The following PDZRN4 variants were observed in gnomAD, a reference collection of about 807,000 sequenced individuals.
PDZRN4 encodes the protein PDZ domain containing ring finger 4.
Under a neutral mutation model 99.0 loss-of-function variants are expected in PDZRN4, and 70 were observed. The observed-to-expected ratio is 0.71, with a 90% CI of 0.58 to 0.86. PDZRN4 has a LOEUF of 0.86. PDZRN4 is among the 40% of genes least tolerant of loss of function. The pLI is 0.00. For synonymous variants in PDZRN4, 551 were observed against 501.6 expected, an observed-to-expected ratio of 1.10 and a Z score of -1.32; for missense variants, 1,474 against 1,331.2, an observed-to-expected ratio of 1.11 and a Z score of -1.67.
intron 5 of PDZRN4, among the ~76,000 whole-genome samples, chr12:41,539,824 A>T (rs1480872955): frequency 6.6e-6 from 1 of 152,202 alleles, no homozygotes; most frequent in Non-Finnish European, 1.5e-5. Context: ...AGACACGGGC[A>T]TCTCCCAGTC....
At chr12:41,315,766 T>G (rs1422572169) in intron 3 of PDZRN4, among the ~76,000 whole-genome samples, 2 of 152,108 alleles carry the variant, frequency 1.3e-5, no homozygotes, top group Admixed American at 1.3e-4. Context: ...TCCTAATTTA[T>G]TATACTCATT....
At chr12:41,331,055 A>G (rs1052868399) in intron 3 of PDZRN4, among the ~76,000 whole-genome samples, 3 of 152,156 alleles carry the variant, frequency 2.0e-5, no homozygotes, top group Non-Finnish European at 2.9e-5. Flanking sequence ...ATCTGAATAG[A>G]CTTTGGGGAA....
intron 3 of PDZRN4, among the ~76,000 whole-genome samples, chr12:41,443,231 TGACA>T (rs758340150): frequency 1.1e-4 from 16 of 152,166 alleles, no homozygotes; most frequent in South Asian, 4.2e-4. Flanking sequence ...ACAGAGATAT[TGACA>T]GACAGCTATG....
chr12:41,193,935 A>C, intron 2 of PDZRN4, 146 bp from the exon 3 acceptor site: 3 of 589,260 alleles, frequency 5.1e-6, no homozygotes, highest in Non-Finnish European at 9.0e-6. Context: ...AGTTGGTGTT[A>C]AGTAAGTTAA....
Position 41,194,176 on chromosome 12 carries a change from C to A in PDZRN4, c.831C>A (p.Asp277Glu). 2 of 1,461,908 alleles carry A rather than the reference C, an allele frequency of 1.4e-6. No individual in the cohort carries two copies. Among genetic ancestry groups the A allele is most frequent in the Non-Finnish European group, 1.9e-6 (2 of 1,055,220 alleles). 90.6% of individuals were successfully genotyped at this position (1,461,908 alleles called of 1,614,324 possible). A position where few individuals can be genotyped will look rare whatever the true frequency, so the allele number is the denominator to read the frequency against. The stretch of plus-strand genomic sequence containing the variant: ...GAGCAGATGGCCTGGAGATTCATGA[C>A]AAAATCATGGAGGTAAGACAATGAT... ...ADRADGLEIH[D>E]KIMEVNGKDL... The change falls in exon 3 of 10, where the codon GAC becomes GAA. Residue 277 changes from aspartate to glutamate, a missense_variant. By Grantham distance (45) the Asp-to-Glu change is conservative. Transcript: ENST00000402685.
intron 3 of PDZRN4, among the ~76,000 whole-genome samples, chr12:41,396,582 C>T (rs2121131681): frequency 6.6e-6 from 1 of 152,278 alleles, no homozygotes; most frequent in African/African-American, 2.4e-5. Context: ...CTGGCTGTTT[C>T]AGGCTCAACG....
intron 3 of PDZRN4, 38 bp downstream of exon 3, chr12:41,194,226 G>C (rs1201408025): frequency 1.1e-6 from 1 of 911,784 alleles, no homozygotes; most frequent in Non-Finnish European, 1.8e-6. Flanking sequence ...ATCCATGCAA[G>C]AAAGATTGGG....
intron 3 of PDZRN4, among the ~76,000 whole-genome samples, chr12:41,415,791 A>C (rs955939498): frequency 1.3e-5 from 2 of 152,118 alleles, no homozygotes; most frequent in Non-Finnish European, 2.9e-5. Flanking sequence ...GTAATTTATC[A>C]TGGGAGGAAT....
At chr12:41,272,768 T>G (rs1285081068) in intron 3 of PDZRN4, among the ~76,000 whole-genome samples, 1 of 152,136 alleles carries the variant, frequency 6.6e-6, no homozygotes, top group Non-Finnish European at 1.5e-5. Context: ...TATTTTATAA[T>G]AACATATTTA....
chr12:41,503,731 T>G (rs1279934313), intron 3 of PDZRN4, among the ~76,000 whole-genome samples: 2 of 152,098 alleles, frequency 1.3e-5, no homozygotes, highest in Non-Finnish European at 2.9e-5. Flanking sequence ...TTGCCTTGTC[T>G]TGGGGAAAAA....
intron 1 of PDZRN4, among the ~76,000 whole-genome samples, chr12:41,191,116 A>C (rs1250194482): frequency 1.3e-5 from 2 of 152,184 alleles, no homozygotes; most frequent in East Asian, 3.9e-4. Flanking sequence ...AAATAAAGAT[A>C]CCTCCAAGGT....
chr12:41,523,753 C>T (rs1938528368), intron 5 of PDZRN4, among the ~76,000 whole-genome samples: 1 of 152,090 alleles, frequency 6.6e-6, no homozygotes, highest in African/African-American at 2.4e-5. Context: ...GAAGGCATCT[C>T]TGAAAGCTGA....
At chr12:41,278,929 C>A (rs1406519330) in intron 3 of PDZRN4, among the ~76,000 whole-genome samples, 2 of 152,200 alleles carry the variant, frequency 1.3e-5, no homozygotes, top group Non-Finnish European at 2.9e-5. Context: ...GCCCTTATCT[C>A]AGCCTTTCAG....
intron 3 of PDZRN4, among the ~76,000 whole-genome samples, chr12:41,208,935 T>C (rs1374432013): frequency 6.6e-6 from 1 of 151,982 alleles, no homozygotes; most frequent in African/African-American, 2.4e-5. Flanking sequence ...TTTCACCTTG[T>C]TCATGCTATA....
chr12:41,227,741 A>G (rs1951003566), intron 3 of PDZRN4, among the ~76,000 whole-genome samples: 2 of 152,052 alleles, frequency 1.3e-5, no homozygotes, highest in South Asian at 4.2e-4. Context: ...TGCATATGAG[A>G]TATATGCTGT....
chr12:41,529,325 G>A (rs1255222550), intron 5 of PDZRN4, among the ~76,000 whole-genome samples: 3 of 152,098 alleles, frequency 2.0e-5, no homozygotes, highest in East Asian at 1.9e-4. Context: ...TGAAGGAAAC[G>A]TGTTTGCACA....
intron 6 of PDZRN4, among the ~76,000 whole-genome samples, 176 bp from the exon 7 acceptor site, chr12:41,555,522 C>T (rs1939142063): frequency 1.3e-5 from 2 of 152,082 alleles, no homozygotes; most frequent in African/African-American, 4.8e-5. Context: ...TCTAAAATAG[C>T]TCATTTACAT....
At chr12:41,276,098 G>A (rs374540805) in intron 3 of PDZRN4, among the ~76,000 whole-genome samples, 1 of 152,102 alleles carries the variant, frequency 6.6e-6, no homozygotes, top group Non-Finnish European at 1.5e-5. Flanking sequence ...GGACATTCTC[G>A]ATAGGGATGA....
chr12:41,413,955 C>G (rs1952420487), intron 3 of PDZRN4, among the ~76,000 whole-genome samples: 1 of 152,090 alleles, frequency 6.6e-6, no homozygotes, highest in Non-Finnish European at 1.5e-5. Flanking sequence ...AGGTATCATT[C>G]TTTCAACTCC....
Sources: gnomAD v4.1 joint callset for allele counts (sites outside exome capture counted in the v4.1 genomes callset) on GRCh38, gnomAD v4.1.1 for gene constraint, MANE v1.5 for transcripts, NCBI Gene and HGNC (gene_info 2026-07-23, HGNC 2026-07-21) for gene names.